Variants in CCBE1 observed in about 807,000 individuals in gnomAD.
CCBE1 encodes the protein collagen and calcium binding EGF domains 1, also known as collagen and calcium-binding EGF domain-containing protein 1.
Under a neutral mutation model 50.0 loss-of-function variants are expected in CCBE1, and 37 were observed. The ratio of observed to expected loss-of-function variants is 0.74; its 90% CI spans 0.57 to 0.97. The LOEUF (loss-of-function observed/expected upper bound fraction) is 0.97. Ranked by LOEUF, CCBE1 falls within the 50% of genes least tolerant of loss-of-function variation. CCBE1 has a pLI of 0.00. For synonymous variants in CCBE1, 234 were observed against 203.7 expected (o/e 1.15, Z -1.27); for missense variants, 538 against 523.8 (o/e 1.03, Z -0.26).
chr18:59,541,040 C>T (rs1055608263), intron 2 of CCBE1, among the ~76,000 whole-genome samples: 1 of 152,124 alleles, frequency 6.6e-6, no homozygotes, highest in Non-Finnish European at 1.5e-5. Flanking sequence ...GAACATTGGG[C>T]AATTCATTTA....
intron 2 of CCBE1, among the ~76,000 whole-genome samples, chr18:59,562,690 C>A (rs2052758709): frequency 6.6e-6 from 1 of 152,242 alleles, no homozygotes; most frequent in African/African-American, 2.4e-5. Context: ...CTAGTTCTGG[C>A]TGGGGTCAAG....
At chr18:59,514,039 C>T (rs375522950) in intron 2 of CCBE1, among the ~76,000 whole-genome samples, 7 of 152,152 alleles carry the variant, frequency 4.6e-5, no homozygotes, top group Admixed American at 6.6e-5. Flanking sequence ...TGCATGGGGC[C>T]GTGGCTTTAC....
At chr18:59,553,002 AC>A (rs1259160090) in intron 2 of CCBE1, among the ~76,000 whole-genome samples, 1 of 152,124 alleles carries the variant, frequency 6.6e-6, no homozygotes, top group Non-Finnish European at 1.5e-5. Context: ...TTGCATTGCT[AC>A]ACTTACACCT....
chr18:59,553,077 C>T (rs1915986700), intron 2 of CCBE1, among the ~76,000 whole-genome samples: 1 of 152,112 alleles, frequency 6.6e-6, no homozygotes, highest in Non-Finnish European at 1.5e-5. Context: ...CACCACTAGC[C>T]ACGCTGGTTA....
intron 2 of CCBE1, among the ~76,000 whole-genome samples, chr18:59,541,681 A>G (rs1915471036): frequency 2.0e-5 from 3 of 152,160 alleles, no homozygotes; most frequent in Non-Finnish European, 2.9e-5. Flanking sequence ...AGGAGTGAGG[A>G]AGCCACAAAA....
intron 2 of CCBE1, among the ~76,000 whole-genome samples, chr18:59,670,546 ACTC>A (rs1436043934): frequency 2.0e-5 from 3 of 152,130 alleles, no homozygotes; most frequent in African/African-American, 7.2e-5. Flanking sequence ...TGCTTATACA[ACTC>A]CTGCCATGTA....
chr18:59,545,433 A>G (rs960003193), intron 2 of CCBE1, among the ~76,000 whole-genome samples: 1 of 152,250 alleles, frequency 6.6e-6, no homozygotes, highest in Admixed American at 6.5e-5. Flanking sequence ...ATGGTCACAC[A>G]TAATGCATAT....
chr18:59,551,025 AAAAAG>A (rs1568201646), intron 2 of CCBE1, among the ~76,000 whole-genome samples: 2,598 of 113,296 alleles, frequency 0.023, 14 homozygotes, highest in South Asian at 0.035. Context: ...AAAAAAAAAA[AAAAAG>A]AAAAGAAAAG....
At chr18:59,665,298 T>C (rs2054338704) in intron 2 of CCBE1, among the ~76,000 whole-genome samples, 1 of 152,156 alleles carries the variant, frequency 6.6e-6, no homozygotes, top group Non-Finnish European at 1.5e-5. Context: ...ATTTTACTGG[T>C]TATGGTACAG....
At chr18:59,627,506 A>T (rs972817016) in intron 2 of CCBE1, among the ~76,000 whole-genome samples, 1 of 152,164 alleles carries the variant, frequency 6.6e-6, no homozygotes, top group African/African-American at 2.4e-5. Flanking sequence ...GTTATTTCTT[A>T]TTTGGAAATA....
At chr18:59,508,985 T>C (rs1443417634) in intron 2 of CCBE1, among the ~76,000 whole-genome samples, 1 of 152,202 alleles carries the variant, frequency 6.6e-6, no homozygotes, top group Non-Finnish European at 1.5e-5. Flanking sequence ...AGCAGTTTGT[T>C]GCTGGGTTGC....
Position 59,436,065 on chromosome 18 carries a change from T to A in CCBE1, c.1064A>T (p.Lys355Met). Reference sequence around the variant, plus strand: ...AGAGTGAGTCCGGTGCCCGAACACCTTTTCCTGCAGCTCAGTGATGTCATT... The same window carrying A: ...AGAGTGAGTCCGGTGCCCGAACACCATTTCCTGCAGCTCAGTGATGTCATT... Reference protein sequence around the residue: ...IRNDITELQEKVFGHRTHSSA... With the variant: ...IRNDITELQEMVFGHRTHSSA... The change falls in exon 11 of 11, where the codon AAG becomes ATG. Residue 355 changes from lysine to methionine, a missense_variant. Physicochemically the swap from Lys to Met is moderately conservative, Grantham distance 95 (BLOSUM62 -1). Coordinates refer to ENST00000439986, the MANE Select transcript of CCBE1 (RefSeq NM_133459.4). 1 of 1,614,148 alleles carries A rather than the reference T, an allele frequency of 6.2e-7. No individual in the cohort carries two copies. The highest frequency in any genetic ancestry group is 8.5e-7 in the Non-Finnish European group (1 of 1,180,018).
At chr18:59,610,398 G>GCC (rs2053552479) in intron 2 of CCBE1, among the ~76,000 whole-genome samples, 1 of 150,572 alleles carries the variant, frequency 6.6e-6, no homozygotes, top group South Asian at 2.1e-4. Flanking sequence ...AGGCTCTATG[G>GCC]CCCCTTACCC....
At chr18:59,594,977 T>C (rs2053330014) in intron 2 of CCBE1, among the ~76,000 whole-genome samples, 4 of 152,034 alleles carry the variant, frequency 2.6e-5, no homozygotes, top group Admixed American at 6.5e-5. Context: ...CCAGGCATGG[T>C]GGCATGTACT....
At chr18:59,465,788 T>C (rs1387814001) in intron 5 of CCBE1, 1 of 152,230 alleles carries the variant, frequency 6.6e-6, no homozygotes, top group Non-Finnish European at 1.5e-5. Context: ...TATTTATATT[T>C]CAGCCCATTT....
Position 59,692,945 on chromosome 18 carries a change from G to A in CCBE1, c.212+3684C>T, listed in dbSNP as rs141854346. Among the ~76,000 whole-genome samples, 205 of 141,160 alleles carry A rather than the reference G, an allele frequency of 1.5e-3. 3 individuals are homozygous for A. Among genetic ancestry groups the A allele is most frequent in the African/African-American group, 5.3e-3 (197 of 37,372 alleles). 92.6% of individuals were successfully genotyped at this position (141,160 alleles called of 152,430 possible). ...AACACACAGTTAAAAGAACCACTTT[G>A]TCAAGCCAAAGCACACACACACACA... On this transcript the variant is annotated intron_variant, in intron 2 of 10. Transcript: ENST00000439986.
At chr18:59,657,472 C>A (rs916025235) in intron 2 of CCBE1, among the ~76,000 whole-genome samples, 3 of 152,250 alleles carry the variant, frequency 2.0e-5, no homozygotes, top group African/African-American at 7.2e-5. Context: ...ACACAGTGCA[C>A]CCAACCCTCA....
intron 2 of CCBE1, among the ~76,000 whole-genome samples, chr18:59,514,823 T>C (rs1425650569): frequency 1.3e-5 from 2 of 152,094 alleles, no homozygotes; most frequent in African/African-American, 4.8e-5. Flanking sequence ...AAGTTTTTTT[T>C]TGGCCACAAT....
intron 2 of CCBE1, among the ~76,000 whole-genome samples, chr18:59,691,947 T>A (rs545069007): frequency 6.6e-6 from 1 of 152,278 alleles, no homozygotes; most frequent in South Asian, 2.1e-4. Flanking sequence ...CTTCAAGTTC[T>A]AGTTCAGGCT....
Sources: gnomAD v4.1 joint callset for allele counts (sites outside exome capture counted in the v4.1 genomes callset) on GRCh38, gnomAD v4.1.1 for gene constraint, MANE v1.5 for transcripts, NCBI Gene and HGNC (gene_info 2026-07-23, HGNC 2026-07-21) for gene names.